LILRB1: variants seen among roughly 807,000 people sequenced by gnomAD.
LILRB1 encodes the protein leukocyte immunoglobulin-like receptor subfamily B member 1.
In LILRB1, 59 loss-of-function variants were observed where a neutral mutation model predicts 74.6. The observed-to-expected ratio is 0.79, with a 90% CI of 0.64 to 0.98. LILRB1 has a LOEUF of 0.98. LILRB1 is among the 50% of genes least tolerant of loss of function. The probability of loss-of-function intolerance (pLI) is 0.00; values close to 1 mark genes in which losing one functional copy is unlikely to be tolerated. For synonymous variants in LILRB1, 328 were observed against 333.9 expected, an observed-to-expected ratio of 0.98 and a Z score of 0.19; for missense variants, 804 against 822.6, an observed-to-expected ratio of 0.98 and a Z score of 0.28.
At chr19:54,620,885 T>G (rs569095555) in intron 1 of LILRB1, among the ~76,000 whole-genome samples, 2 of 152,158 alleles carry the variant, frequency 1.3e-5, no homozygotes, top group Non-Finnish European at 2.9e-5. Context: ...TATTTTTTAT[T>G]TTTTGAGATG....
intron 1 of LILRB1, among the ~76,000 whole-genome samples, chr19:54,623,883 G>A (rs376411592): frequency 6.6e-6 from 1 of 152,196 alleles, no homozygotes; most frequent in African/African-American, 2.4e-5. Context: ...TGACTGTAGA[G>A]CATGTTGGGA....
At chr19:54,630,985 C>G (rs1208749995) in intron 1 of LILRB1, 41 bp from the exon 2 acceptor site, 1 of 1,613,996 alleles carries the variant, frequency 6.2e-7, no homozygotes, top group Admixed American at 1.7e-5. Flanking sequence ...AGGACCCAGC[C>G]TCCGATTGGC....
Position 54,631,949 on chromosome 19 carries a change from C to A in LILRB1, c.373C>A (p.Pro125Thr). The change falls in exon 5 of 15, where the codon CCC becomes ACC. Residue 125 changes from proline to threonine, a missense_variant. Physicochemically the swap from Pro to Thr is conservative, Grantham distance 38. Transcript: ENST00000324602. ...TTCTCTCCTAGGAGCCTACATCAAA[C>A]CCACCCTCTCAGCCCAGCCCAGCCC... is the stretch of plus-strand genomic sequence containing the variant. ...ELVVTGAYIKPTLSAQPSPVV... is the reference protein window; with the variant it reads ...ELVVTGAYIKTTLSAQPSPVV... The A allele has an allele frequency of 6.2e-7, 1 of 1,613,030 alleles. No homozygotes were observed. Among genetic ancestry groups the A allele is most frequent in the Non-Finnish European group, 8.5e-7 (1 of 1,179,160 alleles).
At chr19:54,630,862 C>A in intron 1 of LILRB1, 164 bp from the exon 2 acceptor site, 1 of 617,226 alleles carries the variant, frequency 1.6e-6, no homozygotes, top group Non-Finnish European at 2.3e-6. Flanking sequence ...TGAAATGATG[C>A]AGAGGGCCTA....
At position 54,633,279 on chromosome 19, in the gene LILRB1, C is replaced by T. The variant is rs376486035; in HGVS notation, c.1222C>T (p.Leu408=). The T allele has an allele frequency of 3.7e-6, 6 of 1,613,864 alleles. No individual in the cohort carries two copies. The highest frequency in any genetic ancestry group is 2.7e-5 in the African/African-American group (2 of 74,864). ...YGSQSSKPYL[L]THPSDPLELV... is the part of the protein sequence containing the mutation. ...CTCACAGAGCTCCAAACCCTACCTG[C>T]TGACTCACCCCAGTGACCCCCTGGA... is the stretch of plus-strand genomic sequence containing the variant. Residue 408 remains leucine (L), a synonymous_variant, in exon 7 of 15, where the codon CTG becomes TTG. Coordinates refer to ENST00000324602, the MANE Select transcript of LILRB1 (RefSeq NM_001081637.3).
At chr19:54,619,685 A>G (rs900355564) in intron 1 of LILRB1, among the ~76,000 whole-genome samples, 1 of 152,118 alleles carries the variant, frequency 6.6e-6, no homozygotes, top group Non-Finnish European at 1.5e-5. Context: ...CAGAAAAATG[A>G]AATATCCTTT....
In LILRB1 at chr19:54,636,949, C is replaced by A; in HGVS notation, c.*71C>A. On this transcript the variant is annotated 3_prime_UTR_variant, in exon 15 of 15. Transcript: ENST00000324602. ...ATGGGAGCTGCCCCCCCAGTGGACA[C>A]CATTGGACCCCACCCAGCCTGGATC... 2 of 1,587,530 alleles carry A rather than the reference C, an allele frequency of 1.3e-6. No individual in the cohort carries two copies. The highest frequency in any genetic ancestry group is 4.5e-5 in the East Asian group (2 of 44,444).
intron 13 of LILRB1, 85 bp from the exon 14 acceptor site, chr19:54,636,409 C>G: frequency 1.3e-6 from 2 of 1,571,612 alleles, no homozygotes; most frequent in Non-Finnish European, 8.6e-7. Context: ...GGGATGTAAT[C>G]GGATCACCCG....
rs141032083 is a variant in LILRB1 at position 54,631,470 on chromosome 19, G to C, written c.71-30G>C. The stretch of plus-strand genomic sequence containing the variant: ...ATCTGCTGGGTTGGGTGGGAAATGA[G>C]TTAGAATCTGACTCCTGATTTCCTT... On this transcript the variant is annotated intron_variant, in intron 3 of 14. Coordinates refer to ENST00000324602, the MANE Select transcript of LILRB1 (RefSeq NM_001081637.3). The C allele has an allele frequency of 4.5e-4, 711 of 1,581,504 alleles. 3 individuals carry two copies. The African/African-American group carries it at 9.1e-3, about 20-fold the overall frequency.
At position 54,636,981 on chromosome 19, in the gene LILRB1, A is replaced by G. The variant is rs1487336649; in HGVS notation, c.*103A>G. 8 of 1,475,264 alleles carry G rather than the reference A, an allele frequency of 5.4e-6. No individual in the cohort carries two copies. Among genetic ancestry groups the G allele is most frequent in the South Asian group, 1.3e-5 (1 of 79,096 alleles). The allele number at this position is 1,475,264 out of a possible 1,614,324, so 91.4% of individuals were successfully genotyped here. ...ACCCCACCCAGCCTGGATCTACCCC[A>G]GGAGACTCTGGGAACTTTTAGGGGT... On this transcript the variant is annotated 3_prime_UTR_variant, in exon 15 of 15. Transcript: ENST00000324602.
At chr19:54,632,350 C>T (rs2063950587) in intron 5 of LILRB1, 113 bp downstream of exon 5, 1 of 1,546,780 alleles carries the variant, frequency 6.5e-7, no homozygotes, top group African/African-American at 1.4e-5. Context: ...GGGCTCAGGG[C>T]TCCTGGGGCC....
upstream of LILRB1, among the ~76,000 whole-genome samples, chr19:54,616,621 TC>T (rs1333186362): frequency 6.6e-6 from 1 of 152,146 alleles, no homozygotes; most frequent in African/African-American, 2.4e-5. Flanking sequence ...ATCTACTATT[TC>T]TTTTTCTTTC....
intron 13 of LILRB1, 76 bp from the exon 14 acceptor site, chr19:54,636,418 C>A: frequency 1.3e-6 from 2 of 1,582,712 alleles, no homozygotes; most frequent in South Asian, 1.2e-5. Flanking sequence ...TCGGATCACC[C>A]GGGGAACAGT....
At chr19:54,633,508 T>C (rs1325871922) in intron 7 of LILRB1, 130 bp from the exon 8 acceptor site, 2 of 1,199,402 alleles carry the variant, frequency 1.7e-6, no homozygotes, top group Non-Finnish European at 2.3e-6. Flanking sequence ...ATCGCCAGCA[T>C]CATGGACAGG....
chr19:54,631,147 G>A lies in LILRB1; in HGVS notation c.34+40G>A, dbSNP rs769743604. On this transcript the variant is annotated intron_variant, in intron 2 of 14. Transcript: ENST00000324602. ...AGGAGGGGAGCTTCTAACCTAAGAGGGACCTCACCCCACAGCCAAACTCTT... is the reference window on the plus strand; with the variant it reads ...AGGAGGGGAGCTTCTAACCTAAGAGAGACCTCACCCCACAGCCAAACTCTT... The A allele has an allele frequency of 7.4e-6, 12 of 1,613,756 alleles. No individual in the cohort carries two copies. The South Asian group carries it at 9.9e-5, about 13-fold the overall frequency.
At chr19:54,616,388 A>G (rs903597894), upstream of LILRB1, among the ~76,000 whole-genome samples, 3 of 152,102 alleles carry the variant, frequency 2.0e-5, no homozygotes, top group Non-Finnish European at 2.9e-5. Context: ...CTCTTCTAAT[A>G]TATTACAGAG....
At position 54,631,300 on chromosome 19, in the gene LILRB1, C is replaced by T. The variant is rs1022852989; in HGVS notation, c.64C>T (p.Gln22Ter). The T allele has an allele frequency of 1.2e-6, 2 of 1,613,272 alleles. No individual in the cohort carries two copies. The highest frequency in any genetic ancestry group is 2.7e-5 in the African/African-American group (2 of 74,886). The change falls in exon 3 of 15, where the codon CAG becomes TAG. Residue 22 changes from glutamine (Q) to a stop codon, truncating the protein, a stop_gained. Transcript: ENST00000324602. LOFTEE classifies it high-confidence loss of function. ...GAGTCTGGGCCCCCGGACCCACGTG[C>T]AGGCAGGTGAGTCTGTCCCCAGCTC... ...GLSLGPRTHVQAGHLPKPTLW... is the reference protein window; with the variant it reads ...GLSLGPRTHV
At chr19:54,633,728 TC>T in intron 8 of LILRB1, 40 bp downstream of exon 8, 3 of 1,593,448 alleles carry the variant, frequency 1.9e-6, no homozygotes, top group Non-Finnish European at 2.6e-6. Context: ...GAGTGCGGCC[TC>T]CCCCAGGGCA....
chr19:54,619,249 T>C (rs190743830), intron 1 of LILRB1, among the ~76,000 whole-genome samples: 1 of 152,112 alleles, frequency 6.6e-6, no homozygotes, highest in Non-Finnish European at 1.5e-5. Context: ...AAATAACTGA[T>C]AGTTCAAGAA....
Sources: allele counts gnomAD v4.1 joint callset (sites outside exome capture counted in the v4.1 genomes callset), GRCh38; gene constraint gnomAD v4.1.1; transcripts MANE v1.5; gene names NCBI Gene and HGNC (gene_info 2026-07-23, HGNC 2026-07-21).